Variants in CACHD1 observed in about 807,000 individuals in gnomAD.
The protein encoded by CACHD1 is cache domain containing 1.
CACHD1 carries 71 observed loss-of-function variants against 138.7 expected under a neutral mutation model. The ratio of observed to expected loss-of-function variants is 0.51; its 90% CI spans 0.42 to 0.62. CACHD1 has a LOEUF of 0.62. Ranked by LOEUF, CACHD1 falls within the 20% of genes least tolerant of loss-of-function variation. The probability of loss-of-function intolerance (pLI) is 0.00; values close to 1 mark genes in which losing one functional copy is unlikely to be tolerated. For synonymous variants in CACHD1, 578 were observed against 591.5 expected (o/e 0.98, Z 0.33); for missense variants, 1,389 against 1,625.3 (o/e 0.85, Z 2.50).
chr1:64,675,401 G>A lies in CACHD1; in HGVS notation c.2728G>A (p.Gly910Arg). The A allele has an allele frequency of 1.3e-6, 2 of 1,588,478 alleles. No homozygotes were observed. The highest frequency in any genetic ancestry group is 8.6e-7 in the Non-Finnish European group (1 of 1,159,610). ...RFYKFNTSLAGDLTNLVHGSH... is the reference protein window; with the variant it reads ...RFYKFNTSLARDLTNLVHGSH... Reference sequence around the variant, plus strand: ...TTCTGATACCTTGATTGTTCTGTAGGGGGATTTGACGAACCTTGTGCATGG... The same window carrying A: ...TTCTGATACCTTGATTGTTCTGTAGAGGGATTTGACGAACCTTGTGCATGG... Residue 910 changes from glycine (G) to arginine (R), a missense_variant and splice_region_variant, in exon 20 of 27, where the codon GGG (glycine) becomes AGG (arginine). Physicochemically the swap from Gly to Arg is moderately radical, Grantham distance 125 (BLOSUM62 -2). Around this residue, in one of 5 missense-constraint regions of CACHD1, gnomAD observed 50 missense variants for 108.2 expected, o/e 0.46. Transcript: ENST00000651257.
chr1:64,516,494 G>A (rs558799739), intron 1 of CACHD1, among the ~76,000 whole-genome samples: 3 of 152,138 alleles, frequency 2.0e-5, no homozygotes, highest in Non-Finnish European at 4.4e-5. Flanking sequence ...CTTAGTAAAT[G>A]TTTACTCATT....
chr1:64,678,213 G>T lies in CACHD1; in HGVS notation c.3147G>T (p.Lys1049Asn). 6.2e-7 allele frequency: 1 copy of T among 1,612,362 alleles called. No homozygotes were observed. Among genetic ancestry groups the T allele is most frequent in the Non-Finnish European group, 8.5e-7 (1 of 1,179,348 alleles). Reference sequence around the variant, plus strand: ...GGTGCATGGTGGACAGTGATGGAAAGACTCACCTGGACAAACCCTACTGTG... The same window carrying T: ...GGTGCATGGTGGACAGTGATGGAAATACTCACCTGGACAAACCCTACTGTG... ...CEWCMVDSDG[K>N]THLDKPYCAP... Residue 1049 changes from lysine (K) to asparagine (N), a missense_variant, in exon 23 of 27, where the codon AAG (lysine) becomes AAT (asparagine). Lys to Asn is a moderately conservative substitution (Grantham distance 94, BLOSUM62 0). This residue lies in a region of CACHD1 where 250 missense variants were observed against 292.9 expected (regional missense o/e 0.85). Transcript: ENST00000651257.
intron 25 of CACHD1, among the ~76,000 whole-genome samples, chr1:64,681,565 G>A (rs1365527656): frequency 3.8e-5 from 1 of 26,050 alleles, no homozygotes; most frequent in Non-Finnish European, 6.5e-5. Flanking sequence ...TTTTTTTTTT[G>A]CATTAAGTGT....
At chr1:64,624,683 T>G (rs1407455203) in intron 4 of CACHD1, among the ~76,000 whole-genome samples, 1 of 152,182 alleles carries the variant, frequency 6.6e-6, no homozygotes, top group African/African-American at 2.4e-5. Flanking sequence ...TCTTGCCCAC[T>G]GTGAAACCTC....
chr1:64,544,487 G>T, intron 1 of CACHD1, among the ~76,000 whole-genome samples: 1 of 152,162 alleles, frequency 6.6e-6, no homozygotes, highest in Non-Finnish European at 1.5e-5. Flanking sequence ...TGGGAGATTT[G>T]GTAAGGGAGG....
At chr1:64,615,798 A>G (rs889444889) in intron 4 of CACHD1, among the ~76,000 whole-genome samples, 4 of 152,200 alleles carry the variant, frequency 2.6e-5, no homozygotes, top group African/African-American at 9.7e-5. Context: ...ACAAATGAAT[A>G]ATGTATTCCA....
At chr1:64,651,934 C>T (rs1304056759) in intron 9 of CACHD1, among the ~76,000 whole-genome samples, 2 of 152,130 alleles carry the variant, frequency 1.3e-5, no homozygotes, top group Admixed American at 6.5e-5. Flanking sequence ...TTTAAATTAA[C>T]TGCGCTATCT....
intron 1 of CACHD1, among the ~76,000 whole-genome samples, chr1:64,549,140 C>G (rs1380315009): frequency 1.3e-5 from 2 of 152,126 alleles, no homozygotes; most frequent in African/African-American, 4.8e-5. Context: ...GCCCTAGGCA[C>G]TTGGTAAATA....
chr1:64,542,016 G>C (rs1646681078), intron 1 of CACHD1, among the ~76,000 whole-genome samples: 1 of 152,004 alleles, frequency 6.6e-6, no homozygotes, highest in South Asian at 2.1e-4. Flanking sequence ...TGTTATTATA[G>C]TCTTAAAGGA....
At chr1:64,479,743 A>T (rs1252993684) in intron 1 of CACHD1, among the ~76,000 whole-genome samples, 1 of 152,120 alleles carries the variant, frequency 6.6e-6, no homozygotes. Flanking sequence ...TGTGGCCAGT[A>T]TGCTGTTTTT....
chr1:64,594,686 A>G (rs958092442), intron 3 of CACHD1, among the ~76,000 whole-genome samples: 3 of 152,186 alleles, frequency 2.0e-5, no homozygotes, highest in African/African-American at 7.2e-5. Flanking sequence ...ATTGAATTTC[A>G]CCAGCTGCCT....
chr1:64,482,025 A>C (rs1000367312), intron 1 of CACHD1, among the ~76,000 whole-genome samples: 1 of 152,190 alleles, frequency 6.6e-6, no homozygotes, highest in Non-Finnish European at 1.5e-5. Context: ...TGAAGAAGAA[A>C]ATTGGAAGTA....
In CACHD1 at chr1:64,577,745, T is replaced by G. The variant is rs538943261; in HGVS notation, c.262-4411T>G. Among the ~76,000 whole-genome samples, 5 of 152,330 alleles carry G rather than the reference T, an allele frequency of 3.3e-5. No individual in the cohort carries two copies. The East Asian group carries it at 9.6e-4, about 29-fold the overall frequency. On this transcript the variant is annotated intron_variant, in intron 2 of 26. Transcript: ENST00000651257. ...TTTCTTAGTAAGGCAAGATAGAATGTTGCTACATGAAAGACTGGGGAATTT... is the reference window on the plus strand; with the variant it reads ...TTTCTTAGTAAGGCAAGATAGAATGGTGCTACATGAAAGACTGGGGAATTT...
chr1:64,557,423 T>C (rs1309152889), intron 2 of CACHD1, among the ~76,000 whole-genome samples: 1 of 152,188 alleles, frequency 6.6e-6, no homozygotes, highest in African/African-American at 2.4e-5. Context: ...TCATAGTGTT[T>C]CAGAAACTGT....
intron 26 of CACHD1, among the ~76,000 whole-genome samples, chr1:64,688,213 C>T (rs977408880): frequency 6.6e-6 from 1 of 152,042 alleles, no homozygotes; most frequent in African/African-American, 2.4e-5. Flanking sequence ...GGGAAGCTAT[C>T]CAGGAAGTGT....
intron 4 of CACHD1, among the ~76,000 whole-genome samples, chr1:64,618,074 C>G (rs1647774112): frequency 1.4e-5 from 1 of 72,420 alleles, no homozygotes; most frequent in African/African-American, 4.2e-5. Flanking sequence ...GAGTGAAACT[C>G]AGTCTCAAAA....
rs1037080435 is a variant in CACHD1, at chr1:64,538,766, C to T, written c.199-11828C>T. Among the ~76,000 whole-genome samples, 8 of 152,084 alleles carry T rather than the reference C, an allele frequency of 5.3e-5. No homozygotes were observed. In the South Asian group the frequency reaches 1.0e-3, roughly 20 times the overall value. On this transcript the variant is annotated intron_variant, in intron 1 of 26. Transcript: ENST00000651257. Reference sequence around the variant, plus strand: ...TATTTATGAAAATTCTCTCTTTGGACGTGATATAAATGAACACTTCTTCAG... The same window carrying T: ...TATTTATGAAAATTCTCTCTTTGGATGTGATATAAATGAACACTTCTTCAG...
At chr1:64,611,818 C>A (rs187248737) in intron 4 of CACHD1, among the ~76,000 whole-genome samples, 11 of 152,342 alleles carry the variant, frequency 7.2e-5, no homozygotes, top group African/African-American at 2.4e-4. Flanking sequence ...ATCTTTATAG[C>A]AGTGCCTCGC....
chr1:64,671,813 C>A, intron 17 of CACHD1, 127 bp downstream of exon 17: 1 of 1,151,206 alleles, frequency 8.7e-7, no homozygotes, highest in Non-Finnish European at 1.3e-6. Context: ...GCCTGGGTGT[C>A]CTATTAAGAA....
Sources: allele counts gnomAD v4.1 joint callset (sites outside exome capture counted in the v4.1 genomes callset), GRCh38; gene constraint gnomAD v4.1.1; regional missense constraint gnomAD v4.1.1; transcripts MANE v1.5; gene names NCBI Gene and HGNC (gene_info 2026-07-23, HGNC 2026-07-21).